Variants in PDE1A observed in about 807,000 individuals in gnomAD.
The protein encoded by PDE1A is phosphodiesterase 1A.
Under a neutral mutation model 61.7 loss-of-function variants are expected in PDE1A, and 35 were observed. The observed-to-expected ratio is 0.57, with a 90% CI of 0.43 to 0.75. PDE1A has a LOEUF of 0.75. PDE1A is among the 30% of genes least tolerant of loss of function. The pLI is 0.00. For missense variants in PDE1A, 597 were observed against 630.6 expected (o/e 0.95, Z 0.57); for synonymous variants, 232 against 213.2 (o/e 1.09, Z -0.77).
At chr2:182,627,516 A>G in the PDE1A span, among the ~76,000 whole-genome samples, 1 of 148,442 alleles carries the variant, frequency 6.7e-6, no homozygotes, top group Non-Finnish European at 1.5e-5. Context: ...CTTATTTAAA[A>G]TAGCTTTTCA....
chr2:182,188,956 C>G (rs1254746297), intron 11 of PDE1A, 23 bp downstream of exon 11: 1 of 1,540,540 alleles, frequency 6.5e-7, no homozygotes, highest in East Asian at 2.3e-5. Flanking sequence ...TCACTTTCCA[C>G]CACCACAAAT....
intron 1 of PDE1A, among the ~76,000 whole-genome samples, chr2:182,364,490 A>ACAAACAACAAC (rs979072117): frequency 6.9e-6 from 1 of 144,000 alleles, no homozygotes; most frequent in African/African-American, 2.5e-5. Context: ...AAAAAAAAAA[A>ACAAACAACAAC]AAAAAAAAAC....
At chr2:182,429,338 A>T (rs1367284414), upstream of PDE1A, among the ~76,000 whole-genome samples, 1 of 152,140 alleles carries the variant, frequency 6.6e-6, no homozygotes, top group Non-Finnish European at 1.5e-5. Context: ...TATTAATTAA[A>T]TTACTAAAAT....
At chr2:182,227,600 G>C (rs1689240587) in intron 6 of PDE1A, among the ~76,000 whole-genome samples, 1 of 152,034 alleles carries the variant, frequency 6.6e-6, no homozygotes, top group Non-Finnish European at 1.5e-5. Context: ...TAGGCACTAG[G>C]TTAGGTGCCT....
chr2:182,527,343 T>A (rs1474031366), upstream of PDE1A, among the ~76,000 whole-genome samples: 62 of 19,394 alleles, frequency 3.2e-3, 11 homozygotes, highest in African/African-American at 0.02. Flanking sequence ...TATATATATA[T>A]ATATATATAT....
the PDE1A span, among the ~76,000 whole-genome samples, chr2:182,648,476 G>C: frequency 7.7e-6 from 1 of 130,210 alleles, no homozygotes; most frequent in African/African-American, 3.0e-5. Flanking sequence ...TTTGAGACCA[G>C]CCTGGACAAC....
At chr2:182,525,520 T>C (rs144134627), upstream of PDE1A, among the ~76,000 whole-genome samples, 660 of 152,178 alleles carry the variant, frequency 4.3e-3, 2 homozygotes, top group African/African-American at 0.015. Flanking sequence ...TGGGAGGTGA[T>C]TGGATCATGG....
chr2:182,235,459 T>C (rs1208688914), intron 3 of PDE1A, among the ~76,000 whole-genome samples: 1 of 152,188 alleles, frequency 6.6e-6, no homozygotes, highest in Non-Finnish European at 1.5e-5. Context: ...CTGTTTTTAA[T>C]AATCAGTGAT....
chr2:182,158,182 T>C (rs1027717312), intron 13 of PDE1A, among the ~76,000 whole-genome samples: 2 of 152,216 alleles, frequency 1.3e-5, no homozygotes, highest in Admixed American at 6.5e-5. Context: ...TTGCTCCTAT[T>C]GAAGTAAACT....
the PDE1A span, among the ~76,000 whole-genome samples, chr2:182,592,413 AT>A: frequency 6.6e-6 from 1 of 152,250 alleles, no homozygotes; most frequent in South Asian, 2.1e-4. Flanking sequence ...ATATTTGAGT[AT>A]TAAGATTTAA....
upstream of PDE1A, among the ~76,000 whole-genome samples, chr2:182,428,232 C>A (rs1232034986): frequency 1.3e-5 from 2 of 152,060 alleles, no homozygotes; most frequent in Non-Finnish European, 2.9e-5. Context: ...CTGTCTGAGA[C>A]CATTTTCTTG....
At chr2:182,397,483 C>T (rs1169263411) in intron 1 of PDE1A, among the ~76,000 whole-genome samples, 1 of 151,906 alleles carries the variant, frequency 6.6e-6, no homozygotes, top group Admixed American at 6.6e-5. Flanking sequence ...TTTCAATTAA[C>T]GCTTTCCCTG....
the PDE1A span, among the ~76,000 whole-genome samples, chr2:182,631,512 A>G: frequency 1.3e-5 from 2 of 152,180 alleles, no homozygotes; most frequent in African/African-American, 4.8e-5. Context: ...TCAAATGCTA[A>G]TCTCTTCAGG....
chr2:182,422,500 T>A (rs185068686), intron 1 of PDE1A, among the ~76,000 whole-genome samples: 374 of 152,278 alleles, frequency 2.5e-3, no homozygotes, highest in African/African-American at 8.4e-3. Flanking sequence ...CTTTTACTGG[T>A]GCAATTTTAC....
intron 10 of PDE1A, among the ~76,000 whole-genome samples, chr2:182,192,898 TC>T (rs1685821285): frequency 6.6e-6 from 1 of 152,150 alleles, no homozygotes; most frequent in African/African-American, 2.4e-5. Flanking sequence ...AGGTATGAAA[TC>T]CATTGACCTA....
intron 1 of PDE1A, among the ~76,000 whole-genome samples, chr2:182,266,359 G>T (rs558327016): frequency 4.6e-5 from 7 of 152,074 alleles, no homozygotes; most frequent in Non-Finnish European, 7.4e-5. Context: ...TTTTGTAATG[G>T]TTATGACCCA....
chr2:182,686,231 A>T, the PDE1A span, among the ~76,000 whole-genome samples: 1 of 152,122 alleles, frequency 6.6e-6, no homozygotes, highest in Admixed American at 6.6e-5. Flanking sequence ...TAATTATATG[A>T]TTTTTCTTCT....
At chr2:182,253,064 C>T (rs1206369910) in intron 2 of PDE1A, among the ~76,000 whole-genome samples, 2 of 152,186 alleles carry the variant, frequency 1.3e-5, no homozygotes, top group East Asian at 3.8e-4. Context: ...ACCTTGGAAA[C>T]TTAACCTATT....
the PDE1A span, among the ~76,000 whole-genome samples, chr2:182,603,108 C>A: frequency 6.6e-6 from 1 of 152,056 alleles, no homozygotes; most frequent in South Asian, 2.1e-4. Flanking sequence ...TGAAAGGCAA[C>A]TTGGCCAGAA....
Sources: gnomAD v4.1 joint callset for allele counts (sites outside exome capture counted in the v4.1 genomes callset) on GRCh38, gnomAD v4.1.1 for gene constraint, MANE v1.5 for transcripts, NCBI Gene and HGNC (gene_info 2026-07-23, HGNC 2026-07-21) for gene names.